SUPT3H: variants seen among roughly 807,000 people sequenced by gnomAD.
SUPT3H encodes transcription initiation protein SPT3 homolog.
Under a neutral mutation model 44.3 loss-of-function variants are expected in SUPT3H, and 44 were observed. The observed-to-expected ratio is 0.99, with a 90% CI of 0.78 to 1.28. The LOEUF (loss-of-function observed/expected upper bound fraction) is 1.28. Among genes scored for constraint, SUPT3H ranks in the 50% most tolerant of loss-of-function variants. SUPT3H has a pLI of 0.00. For synonymous variants in SUPT3H, 124 were observed against 125.6 expected (o/e 0.99, Z 0.09); for missense variants, 380 against 387.1 (o/e 0.98, Z 0.15).
intron 10 of SUPT3H, among the ~76,000 whole-genome samples, chr6:44,851,861 A>G (rs1772939717): frequency 6.6e-6 from 1 of 152,168 alleles, no homozygotes; most frequent in South Asian, 2.1e-4. Context: ...ACTCCTACTG[A>G]ACACTGTTTC....
At chr6:45,270,247 G>A (rs1005639549) in intron 2 of SUPT3H, among the ~76,000 whole-genome samples, 1 of 151,994 alleles carries the variant, frequency 6.6e-6, no homozygotes, top group Non-Finnish European at 1.5e-5. Context: ...TGAGAGTCCT[G>A]GGAATTTAGC....
intron 10 of SUPT3H, among the ~76,000 whole-genome samples, chr6:44,918,845 C>CAGATGCGGGTGTACAAAAACCTTTCACAG (rs2153455923): frequency 6.6e-6 from 1 of 152,300 alleles, no homozygotes; most frequent in Admixed American, 6.5e-5. Flanking sequence ...TAAACACTTC[C>CAGATGCGGGTGTACAAAAACCTTTCACAG]AGATGCGGGT....
At chr6:44,889,371 A>G (rs1762887987) in intron 10 of SUPT3H, among the ~76,000 whole-genome samples, 1 of 152,206 alleles carries the variant, frequency 6.6e-6, no homozygotes. Flanking sequence ...AAACTATACT[A>G]CAAGGCTACA....
rs1008633105 is a variant in SUPT3H, at chr6:44,826,909, A to G, written c.*2907T>C. Among the ~76,000 whole-genome samples, 1 of 152,192 alleles carries G rather than the reference A, an allele frequency of 6.6e-6. No individual in the cohort carries two copies. Among genetic ancestry groups the G allele is most frequent in the African/African-American group, 2.4e-5 (1 of 41,452 alleles). ...TTGTGCTTCTGATGGTTTTCAAATA[A>G]AAAGTCTTGGTTTTAAAATTGAAAC... On this transcript the variant is annotated 3_prime_UTR_variant, in exon 11 of 11. Transcript: ENST00000371459.
intron 2 of SUPT3H, among the ~76,000 whole-genome samples, chr6:45,310,109 G>C (rs1440816113): frequency 1.3e-5 from 2 of 152,194 alleles, no homozygotes; most frequent in African/African-American, 4.8e-5. Context: ...GTGGGAATGA[G>C]ACCAGCCTTT....
intron 6 of SUPT3H, among the ~76,000 whole-genome samples, chr6:44,998,346 C>T (rs906339407): frequency 7.9e-5 from 12 of 151,976 alleles, no homozygotes; most frequent in Admixed American, 3.9e-4. Flanking sequence ...AAAAATTACA[C>T]ATTTATATTT....
intron 2 of SUPT3H, among the ~76,000 whole-genome samples, chr6:45,133,776 A>G (rs1413435168): frequency 6.6e-6 from 1 of 152,210 alleles, no homozygotes; most frequent in Non-Finnish European, 1.5e-5. Flanking sequence ...ATGTTGCTAA[A>G]GAGGAGAAAA....
chr6:45,209,923 C>A (rs1046582882), intron 2 of SUPT3H, among the ~76,000 whole-genome samples: 11 of 152,036 alleles, frequency 7.2e-5, no homozygotes, highest in Non-Finnish European at 1.5e-4. Flanking sequence ...AGATCCTCTG[C>A]CAGCAAAAAG....
intron 5 of SUPT3H, among the ~76,000 whole-genome samples, chr6:45,014,362 T>A (rs540403712): frequency 1.9e-4 from 29 of 152,226 alleles, no homozygotes; most frequent in African/African-American, 6.5e-4. Flanking sequence ...CAGGCAGGTA[T>A]CAAGTGCTTT....
chr6:45,191,694 A>C (rs6920046), intron 2 of SUPT3H, among the ~76,000 whole-genome samples: 33,324 of 152,080 alleles, frequency 0.22, 4,476 homozygotes, highest in Non-Finnish European at 0.31. Context: ...TACAGTCTAC[A>C]AAAATAAGAT....
intron 2 of SUPT3H, among the ~76,000 whole-genome samples, chr6:45,214,856 A>C (rs1453012904): frequency 1.3e-5 from 2 of 152,142 alleles, no homozygotes; most frequent in Non-Finnish European, 2.9e-5. Context: ...ACTGGAGCCA[A>C]GACCTGCTGC....
intron 9 of SUPT3H, among the ~76,000 whole-genome samples, chr6:44,944,855 A>G (rs994783291): frequency 1.3e-5 from 2 of 151,216 alleles, no homozygotes; most frequent in African/African-American, 2.4e-5. Flanking sequence ...TTTGCTGACT[A>G]TAAGAGATGA....
intron 2 of SUPT3H, among the ~76,000 whole-genome samples, chr6:45,285,232 G>T (rs199998833): frequency 6.6e-6 from 1 of 151,672 alleles, no homozygotes; most frequent in Non-Finnish European, 1.5e-5. Flanking sequence ...AGTGTTGGAA[G>T]TTCTGGCCAG....
intron 10 of SUPT3H, among the ~76,000 whole-genome samples, chr6:44,894,710 C>T (rs941641837): frequency 2.0e-5 from 3 of 151,634 alleles, no homozygotes; most frequent in Non-Finnish European, 4.4e-5. Flanking sequence ...TGCGGTTTTT[C>T]AAATTATTTA....
intron 3 of SUPT3H, among the ~76,000 whole-genome samples, chr6:45,070,673 T>C (rs1230412984): frequency 7.1e-6 from 1 of 140,580 alleles, no homozygotes; most frequent in Non-Finnish European, 1.5e-5. Flanking sequence ...AGGTGGAGGT[T>C]GCAGTGAGCT....
chr6:44,936,484 C>T (rs1253549655), intron 9 of SUPT3H, among the ~76,000 whole-genome samples: 1 of 151,888 alleles, frequency 6.6e-6, no homozygotes, highest in East Asian at 1.9e-4. Context: ...CATCATCTAC[C>T]CCTACTTACT....
intron 2 of SUPT3H, among the ~76,000 whole-genome samples, chr6:45,357,787 C>T (rs1438356256): frequency 6.6e-6 from 1 of 152,056 alleles, no homozygotes; most frequent in African/African-American, 2.4e-5. Context: ...AAAATGAGAA[C>T]CTAAAACTCA....
At chr6:45,233,476 A>C (rs1227470112) in intron 2 of SUPT3H, among the ~76,000 whole-genome samples, 3 of 152,214 alleles carry the variant, frequency 2.0e-5, no homozygotes, top group South Asian at 4.1e-4. Context: ...TGCTAGTGTC[A>C]GAATTTGTGA....
chr6:45,248,272 G>A (rs1175481726), intron 2 of SUPT3H, among the ~76,000 whole-genome samples: 1 of 152,052 alleles, frequency 6.6e-6, no homozygotes, highest in African/African-American at 2.4e-5. Flanking sequence ...CTTTTGCTCT[G>A]CCAAAGATGC....
Sources: gnomAD v4.1 joint callset for allele counts (sites outside exome capture counted in the v4.1 genomes callset) on GRCh38, gnomAD v4.1.1 for gene constraint, MANE v1.5 for transcripts, NCBI Gene and HGNC (gene_info 2026-07-23, HGNC 2026-07-21) for gene names.